Variants in PDE4B observed in about 807,000 individuals in gnomAD.
The protein encoded by PDE4B is 3',5'-cyclic-AMP phosphodiesterase 4B.
In PDE4B, 20 loss-of-function variants were observed where a neutral mutation model predicts 82.2. That is an observed-to-expected ratio of 0.24 (90% CI 0.17 to 0.35). The LOEUF is 0.35. PDE4B is among the 10% of genes least tolerant of loss of function. The pLI, the probability that PDE4B is intolerant of heterozygous loss-of-function variation, is 1.00. For synonymous variants in PDE4B, 320 were observed against 318.9 expected, an observed-to-expected ratio of 1.00 and a Z score of -0.04; for missense variants, 655 against 907.2, an observed-to-expected ratio of 0.72 and a Z score of 3.57.
rs117924767 is a variant in PDE4B at position 65,850,436 on chromosome 1, A to G, written c.-71+57188A>G. ...GTAGTGAATTTGTAGTGCATAGTGT[A>G]GAATGGTGTAGTGAACAATGAAGTT... On this transcript the variant is annotated intron_variant, in intron 1 of 16. Coordinates refer to ENST00000341517, the MANE Select transcript of PDE4B (RefSeq NM_002600.4). 3.6e-4 allele frequency among the ~76,000 whole-genome samples: 55 copies of G among 152,252 alleles called. No homozygotes were observed. The East Asian group carries it at 9.1e-3, about 25-fold the overall frequency.
At chr1:66,105,327 A>G (rs1344833549) in intron 3 of PDE4B, among the ~76,000 whole-genome samples, 4 of 151,298 alleles carry the variant, frequency 2.6e-5, no homozygotes, top group South Asian at 2.1e-4. Context: ...GTACCATGCT[A>G]TTTTGGTTAC....
intron 3 of PDE4B, among the ~76,000 whole-genome samples, chr1:66,045,349 A>T (rs950336497): frequency 2.6e-5 from 4 of 151,618 alleles, no homozygotes; most frequent in African/African-American, 9.7e-5. Flanking sequence ...TTTGAAGTCT[A>T]ATCTAACTCC....
intron 3 of PDE4B, among the ~76,000 whole-genome samples, chr1:66,068,610 A>G (rs1655991649): frequency 6.6e-6 from 1 of 152,002 alleles, no homozygotes; most frequent in African/African-American, 2.4e-5. Flanking sequence ...TGCTATATTA[A>G]CTAATACACT....
chr1:65,982,772 T>C (rs1363631018), intron 3 of PDE4B, among the ~76,000 whole-genome samples: 1 of 151,922 alleles, frequency 6.6e-6, no homozygotes, highest in African/African-American at 2.4e-5. Context: ...AAGCAGGAAA[T>C]GGGTTGATTG....
At position 66,247,620 on chromosome 1, in the gene PDE4B, G is replaced by T; in HGVS notation, c.442G>T (p.Ala148Ser). ...CAGCGACTATGACTTGTCACCAAAG[G>T]CGATGTCGAGAAACTCTTCTCTTCC... The part of the protein sequence containing the change: ...SDSDYDLSPK[A>S]MSRNSSLPSE... Residue 148 changes from alanine to serine, a missense_variant, in exon 4 of 17, where the codon GCG (alanine) becomes TCG (serine). Physicochemically the swap from Ala to Ser is moderately conservative, Grantham distance 99. Coordinates refer to ENST00000341517, the MANE Select transcript of PDE4B (RefSeq NM_002600.4). 6.3e-7 allele frequency: 1 copy of T among 1,597,652 alleles called. No individual in the cohort carries two copies. Among genetic ancestry groups the T allele is most frequent in the Non-Finnish European group, 8.5e-7 (1 of 1,172,160 alleles).
At chr1:65,819,826 G>T (rs900369375) in intron 1 of PDE4B, among the ~76,000 whole-genome samples, 1 of 151,888 alleles carries the variant, frequency 6.6e-6, no homozygotes, top group Admixed American at 6.6e-5. Flanking sequence ...TTCTGTAAAG[G>T]GCATGAAATT....
chr1:66,181,147 G>A (rs1647055856), intron 3 of PDE4B, among the ~76,000 whole-genome samples: 1 of 152,154 alleles, frequency 6.6e-6, no homozygotes, highest in Non-Finnish European at 1.5e-5. Flanking sequence ...TGCTCAGTTA[G>A]GAAGTTCAGA....
intron 3 of PDE4B, among the ~76,000 whole-genome samples, chr1:66,229,094 G>A (rs1250713767): frequency 6.6e-6 from 1 of 151,998 alleles, no homozygotes; most frequent in East Asian, 1.9e-4. Flanking sequence ...TGCTAGCTCT[G>A]CCTCCTGGGT....
intron 13 of PDE4B, 36 bp from the exon 14 acceptor site, chr1:66,367,660 T>A: frequency 6.5e-7 from 1 of 1,546,142 alleles, no homozygotes; most frequent in Admixed American, 1.8e-5. Context: ...ATCATATCCC[T>A]TTTTAATTAA....
chr1:65,865,399 G>A (rs1205090076), intron 1 of PDE4B, among the ~76,000 whole-genome samples: 1 of 151,970 alleles, frequency 6.6e-6, no homozygotes, highest in Non-Finnish European at 1.5e-5. Flanking sequence ...GCTCTGTCTT[G>A]CTGGGGTTCC....
chr1:66,236,718 T>A (rs1652488382), intron 3 of PDE4B, among the ~76,000 whole-genome samples: 2 of 151,858 alleles, frequency 1.3e-5, no homozygotes, highest in Non-Finnish European at 2.9e-5. Flanking sequence ...CATGAGTAGG[T>A]GAGGGAGGAC....
chr1:66,184,261 A>G (rs951184870), intron 3 of PDE4B, among the ~76,000 whole-genome samples: 1 of 152,206 alleles, frequency 6.6e-6, no homozygotes, highest in Non-Finnish European at 1.5e-5. Context: ...AATCTGGCTC[A>G]TGGTGCCAAT....
At chr1:65,938,354 T>C (rs1648266466) in intron 3 of PDE4B, among the ~76,000 whole-genome samples, 1 of 152,202 alleles carries the variant, frequency 6.6e-6, no homozygotes, top group Non-Finnish European at 1.5e-5. Flanking sequence ...AATATGTGAG[T>C]AGTAAACTTT....
At chr1:66,220,115 A>G (rs1038675135) in intron 3 of PDE4B, among the ~76,000 whole-genome samples, 1 of 152,150 alleles carries the variant, frequency 6.6e-6, no homozygotes, top group Admixed American at 6.5e-5. Flanking sequence ...AAGTAAAAGG[A>G]AAGAAGAGGG....
At chr1:65,878,344 C>G (rs984665462) in intron 1 of PDE4B, among the ~76,000 whole-genome samples, 2 of 152,118 alleles carry the variant, frequency 1.3e-5, no homozygotes, top group Non-Finnish European at 2.9e-5. Flanking sequence ...GGATCTAGAA[C>G]CAGAAATATC....
intron 3 of PDE4B, among the ~76,000 whole-genome samples, chr1:66,220,128 G>A (rs1225734083): frequency 1.3e-5 from 2 of 152,166 alleles, no homozygotes; most frequent in Non-Finnish European, 2.9e-5. Flanking sequence ...GAAGAGGGAA[G>A]TATCTGGAGG....
intron 3 of PDE4B, among the ~76,000 whole-genome samples, chr1:66,212,152 T>C (rs1302029910): frequency 1.3e-5 from 2 of 152,168 alleles, no homozygotes; most frequent in Non-Finnish European, 2.9e-5. Flanking sequence ...ACTGGGAAAC[T>C]TTCTCTTCCC....
chr1:66,114,072 G>A (rs1367750484), intron 3 of PDE4B, among the ~76,000 whole-genome samples: 4 of 152,122 alleles, frequency 2.6e-5, no homozygotes, highest in South Asian at 2.1e-4. Flanking sequence ...GATCATGAGG[G>A]CAGAGCTCTC....
chr1:66,119,882 A>G (rs1645674817), intron 3 of PDE4B, among the ~76,000 whole-genome samples: 1 of 152,166 alleles, frequency 6.6e-6, no homozygotes, highest in Non-Finnish European at 1.5e-5. Flanking sequence ...AGGGAAGACA[A>G]CATGAAGACA....
Sources: allele counts gnomAD v4.1 joint callset (sites outside exome capture counted in the v4.1 genomes callset), GRCh38; gene constraint gnomAD v4.1.1; transcripts MANE v1.5; gene names NCBI Gene and HGNC (gene_info 2026-07-23, HGNC 2026-07-21).